Variants in NRG2 observed in about 807,000 individuals in gnomAD.
NRG2 encodes the protein neuregulin 2.
A neutral mutation model predicts 73.9 loss-of-function variants in NRG2; 27 were observed. That is an observed-to-expected ratio of 0.37 (90% CI 0.27 to 0.50). The LOEUF (loss-of-function observed/expected upper bound fraction) is 0.50, where lower values mean the gene tolerates loss of function less well. NRG2 is among the 20% of genes least tolerant of loss of function. NRG2 has a pLI of 0.96. For synonymous variants in NRG2, 532 were observed against 541.0 expected, an observed-to-expected ratio of 0.98 and a Z score of 0.23; for missense variants, 1,126 against 1,210.1, an observed-to-expected ratio of 0.93 and a Z score of 1.03.
chr5:139,901,537 T>G (rs560983030), intron 1 of NRG2, among the ~76,000 whole-genome samples: 1 of 152,330 alleles, frequency 6.6e-6, no homozygotes, highest in East Asian at 1.9e-4. Flanking sequence ...GAAGGGAGTT[T>G]GTTTTAGAAG....
chr5:139,923,424 C>T (rs1393124289), intron 1 of NRG2, among the ~76,000 whole-genome samples: 3 of 152,114 alleles, frequency 2.0e-5, no homozygotes, highest in African/African-American at 4.8e-5. Context: ...GCATGAGGGT[C>T]ACAGGGCAGA....
At chr5:139,860,733 A>T (rs1762097120) in intron 5 of NRG2, among the ~76,000 whole-genome samples, 1 of 152,078 alleles carries the variant, frequency 6.6e-6, no homozygotes, top group Admixed American at 6.5e-5. Flanking sequence ...TCCTGTTTTG[A>T]ATGTGTGATT....
chr5:139,880,943 T>C lies in NRG2; in HGVS notation c.904A>G (p.Lys302Glu). The C allele has an allele frequency of 6.2e-7, 1 of 1,614,138 alleles. No individual in the cohort carries two copies. The highest frequency in any genetic ancestry group is 8.5e-7 in the Non-Finnish European group (1 of 1,179,986). ...ACATACTCCCCAGCGTCCTCCACCT[T>C]CACCTTGTTGAACTGTAGTCGTGAG... ...KNSRLQFNKV[K>E]VEDAGEYVCE... The change falls in exon 3 of 10, where the codon AAG becomes GAG. Residue 302 changes from lysine (K) to glutamate (E), a missense_variant. This residue lies in a region of NRG2 where 539 missense variants were observed against 703.2 expected (regional missense o/e 0.77). Coordinates refer to ENST00000361474, the MANE Select transcript of NRG2 (RefSeq NM_004883.3).
Position 140,043,223 on chromosome 5 carries a change from G to A in NRG2, c.-154C>T. The A allele has an allele frequency of 3.8e-6, 3 of 781,648 alleles. No homozygotes were observed. The highest frequency in any genetic ancestry group is 5.8e-6 in the Non-Finnish European group (3 of 518,536). 48.4% of individuals were successfully genotyped at this position (781,648 alleles called of 1,614,324 possible). On this transcript the variant is annotated 5_prime_UTR_variant, in exon 1 of 10. Transcript: ENST00000361474. The surrounding 1 kb of genome is among the most constrained non-coding windows in gnomAD (Gnocchi z 6.7). ...GGTGGCCCAGCTAGGGCAGGGGGCAGGCGGCAAGCGGGCCGCGATGCGCAG... is the reference window on the plus strand; with the variant it reads ...GGTGGCCCAGCTAGGGCAGGGGGCAAGCGGCAAGCGGGCCGCGATGCGCAG...
At chr5:139,902,231 G>A (rs1399533970) in intron 1 of NRG2, among the ~76,000 whole-genome samples, 8 of 152,220 alleles carry the variant, frequency 5.3e-5, no homozygotes, top group African/African-American at 1.2e-4. Context: ...CCCAGTTCCC[G>A]GTTAGGGATA....
At chr5:139,881,427 C>G (rs1763520309) in intron 2 of NRG2, among the ~76,000 whole-genome samples, 1 of 152,174 alleles carries the variant, frequency 6.6e-6, no homozygotes, top group Non-Finnish European at 1.5e-5. Context: ...GACGGATTCC[C>G]ATGGTGATGG....
At chr5:139,987,421 C>G (rs972839176) in intron 1 of NRG2, among the ~76,000 whole-genome samples, 91 of 149,564 alleles carry the variant, frequency 6.1e-4, no homozygotes, top group African/African-American at 2.2e-3. Context: ...CATCCTGACT[C>G]ATGCTCCAGG....
intron 1 of NRG2, among the ~76,000 whole-genome samples, chr5:140,016,452 T>G (rs186207447): frequency 6.6e-6 from 1 of 152,334 alleles, no homozygotes; most frequent in East Asian, 1.9e-4. Flanking sequence ...TCATCTTGAC[T>G]CTCTCCTCAG....
chr5:139,926,354 A>G (rs896181766), intron 1 of NRG2, among the ~76,000 whole-genome samples: 1 of 152,034 alleles, frequency 6.6e-6, no homozygotes, highest in Admixed American at 6.6e-5. Context: ...CAGAGGAGGA[A>G]GTGCTGGTGT....
rs1419975381 is a variant in NRG2 at position 140,008,593 on chromosome 5, G to GA, written c.700+33776dup. On this transcript the variant is annotated intron_variant, in intron 1 of 9. Coordinates refer to ENST00000361474, the MANE Select transcript of NRG2 (RefSeq NM_004883.3). This position sits in a 1 kb window ranked among gnomAD's most constrained non-coding sequence, Gnocchi z 4.2. The stretch of plus-strand genomic sequence containing the variant: ...CTAACTTTGGCTTGTGACCAAAAGA[G>GA]AAAAACTAAAACCAAATGAAATGTA... Among the ~76,000 whole-genome samples, 1 of 152,144 alleles carries GA rather than the reference G, an allele frequency of 6.6e-6. No individual in the cohort carries two copies. Among genetic ancestry groups the GA allele is most frequent in the Non-Finnish European group, 1.5e-5 (1 of 68,002 alleles).
chr5:139,951,858 C>T (rs960568662), intron 1 of NRG2, among the ~76,000 whole-genome samples: 1 of 152,240 alleles, frequency 6.6e-6, no homozygotes, highest in African/African-American at 2.4e-5. Context: ...GGACAAGGCT[C>T]GCAGCCTCAG....
intron 1 of NRG2, among the ~76,000 whole-genome samples, chr5:139,936,888 G>A (rs933678786): frequency 1.4e-4 from 22 of 152,148 alleles, no homozygotes; most frequent in East Asian, 1.9e-4. Flanking sequence ...TGTAACCTCC[G>A]CCTTCTAGGT....
At chr5:139,920,347 T>A (rs990716058) in intron 1 of NRG2, among the ~76,000 whole-genome samples, 1 of 152,206 alleles carries the variant, frequency 6.6e-6, no homozygotes, top group African/African-American at 2.4e-5. Flanking sequence ...TACTTTCACC[T>A]TTGCAGTATG....
intron 5 of NRG2, 125 bp from the exon 6 acceptor site, chr5:139,855,903 TC>T (rs1222707120): frequency 1.0e-5 from 7 of 694,908 alleles, no homozygotes; most frequent in Non-Finnish European, 1.5e-5. Context: ...CCAGCTCCTT[TC>T]CATCCCTTTT....
chr5:140,016,866 G>T (rs1759823288), intron 1 of NRG2, among the ~76,000 whole-genome samples: 1 of 152,248 alleles, frequency 6.6e-6, no homozygotes. Flanking sequence ...CAAGGGTGGA[G>T]TGTGGAGCAG....
In NRG2 at chr5:139,852,896, C is replaced by G; in HGVS notation, c.1416+8G>C. The G allele has an allele frequency of 6.2e-7, 1 of 1,613,304 alleles. No individual in the cohort carries two copies. On this transcript the variant is annotated splice_region_variant and intron_variant, in intron 7 of 9. Coordinates refer to ENST00000361474, the MANE Select transcript of NRG2 (RefSeq NM_004883.3). This position sits in a 1 kb window ranked among gnomAD's most constrained non-coding sequence, Gnocchi z 4.4. The stretch of plus-strand genomic sequence containing the variant: ...GGCTCAGAAGGGGGCCCCAGGAAAG[C>G]CACTCACATCTGCCATCTGGATCTC...
At chr5:139,855,907 T>G in intron 5 of NRG2, 129 bp from the exon 6 acceptor site, 2 of 676,906 alleles carry the variant, frequency 3.0e-6, no homozygotes, top group Non-Finnish European at 2.6e-6. Flanking sequence ...CTCCTTTCCA[T>G]CCCTTTTCTC....
chr5:139,995,056 G>A (rs2126605208), intron 1 of NRG2, among the ~76,000 whole-genome samples: 1 of 152,312 alleles, frequency 6.6e-6, no homozygotes, highest in African/African-American at 2.4e-5. Flanking sequence ...TGGGAAATGT[G>A]TGATAAAAGG....
At position 139,988,328 on chromosome 5, in the gene NRG2, G is replaced by A. The variant is rs138545630; in HGVS notation, c.700+54042C>T. Among the ~76,000 whole-genome samples, 318 of 152,104 alleles carry A rather than the reference G, an allele frequency of 2.1e-3. 1 individual carries two copies. The highest frequency in any genetic ancestry group is 7.3e-3 in the African/African-American group (304 of 41,532). On this transcript the variant is annotated intron_variant, in intron 1 of 9. Coordinates refer to ENST00000361474, the MANE Select transcript of NRG2 (RefSeq NM_004883.3). ...TTACCCAAAGGAGTTGAAAACTTAC[G>A]TCCATACAAAAACATGCACACAGAT...
Sources: gnomAD v4.1 joint callset for allele counts (sites outside exome capture counted in the v4.1 genomes callset) on GRCh38, gnomAD v4.1.1 for gene constraint, gnomAD v4.1.1 regional missense constraint, Gnocchi (gnomAD v3.1) non-coding constraint, MANE v1.5 for transcripts, NCBI Gene and HGNC (gene_info 2026-07-23, HGNC 2026-07-21) for gene names.